The following TTC28 variants were observed in gnomAD, a reference collection of about 807,000 sequenced individuals.
The protein encoded by TTC28 is tetratricopeptide repeat domain 28.
A neutral mutation model predicts 198.0 loss-of-function variants in TTC28; 61 were observed. The observed-to-expected ratio is 0.31, with a 90% CI of 0.25 to 0.38. The LOEUF (loss-of-function observed/expected upper bound fraction) is 0.38. TTC28 is among the 10% of genes least tolerant of loss of function. The pLI is 1.00. For synonymous variants in TTC28, 1,171 were observed against 1,297.8 expected, an observed-to-expected ratio of 0.90 and a Z score of 2.10; for missense variants, 2,678 against 3,164.0, an observed-to-expected ratio of 0.85 and a Z score of 3.69.
intron 2 of TTC28, among the ~76,000 whole-genome samples, chr22:28,618,682 C>CA (rs397974118): frequency 0.046 from 2,443 of 53,526 alleles, 84 homozygotes; most frequent in African/African-American, 0.12. Flanking sequence ...ACTCTGTCTC[C>CA]AAAAAAAAAA....
At chr22:28,336,818 G>T (rs1203805408) in intron 2 of TTC28, among the ~76,000 whole-genome samples, 2 of 151,886 alleles carry the variant, frequency 1.3e-5, no homozygotes, top group African/African-American at 4.8e-5. Context: ...TTTTTGAGGG[G>T]CTTTTTGTGT....
chr22:28,267,623 A>G (rs1931771671), intron 5 of TTC28, among the ~76,000 whole-genome samples: 1 of 152,206 alleles, frequency 6.6e-6, no homozygotes, highest in Non-Finnish European at 1.5e-5. Context: ...GAATATGCTA[A>G]CATGTATAAA....
At chr22:28,128,146 C>T (rs1353822980) in intron 6 of TTC28, among the ~76,000 whole-genome samples, 3 of 152,118 alleles carry the variant, frequency 2.0e-5, no homozygotes, top group African/African-American at 4.8e-5. Flanking sequence ...GGGCTAGACC[C>T]TCTTTCCTGT....
intron 1 of TTC28, among the ~76,000 whole-genome samples, chr22:28,631,418 T>C (rs1042530669): frequency 2.6e-5 from 4 of 152,184 alleles, no homozygotes; most frequent in African/African-American, 9.7e-5. Flanking sequence ...AAATCTGTTT[T>C]TGATGTTGAT....
chr22:28,656,535 T>C (rs542205155), intron 1 of TTC28, among the ~76,000 whole-genome samples: 5 of 152,274 alleles, frequency 3.3e-5, no homozygotes, highest in South Asian at 2.1e-4. Context: ...AAGATATCTT[T>C]GCAGCTAAGA....
chr22:28,188,812 T>C (rs1438929010), intron 5 of TTC28, among the ~76,000 whole-genome samples: 1 of 152,062 alleles, frequency 6.6e-6, no homozygotes, highest in Non-Finnish European at 1.5e-5. Flanking sequence ...ATGAGGGGGA[T>C]TCCCCAAATA....
At chr22:28,436,696 CAG>C (rs1168655655) in intron 2 of TTC28, among the ~76,000 whole-genome samples, 1 of 152,198 alleles carries the variant, frequency 6.6e-6, no homozygotes, top group Non-Finnish European at 1.5e-5. Flanking sequence ...ATTATAACTA[CAG>C]AGTCACACTA....
chr22:28,405,966 AC>A (rs918671402), intron 2 of TTC28, among the ~76,000 whole-genome samples: 1 of 152,248 alleles, frequency 6.6e-6, no homozygotes, highest in African/African-American at 2.4e-5. Flanking sequence ...AAAGAACAGT[AC>A]CTCTGCTGCT....
intron 5 of TTC28, among the ~76,000 whole-genome samples, chr22:28,209,076 C>G (rs1385473718): frequency 6.6e-6 from 1 of 152,174 alleles, no homozygotes; most frequent in African/African-American, 2.4e-5. Context: ...CTCATACTTT[C>G]AAATTTTCAT....
chr22:27,982,589 G>A lies in TTC28; in HGVS notation c.7078C>T (p.Leu2360=), dbSNP rs1366072706. ...GGTGTGCTCTGCCAGAACATCTTCA[G>A]GTTATGGACAGCCTGCACCTTTTCA... ...IDEKVQAVHN[L]KMFWQSTPQH... Residue 2360 remains leucine (L), a synonymous_variant, in exon 23 of 23, where the codon CTG becomes TTG. Transcript: ENST00000397906. This position sits in a 1 kb window ranked among gnomAD's most constrained non-coding sequence, Gnocchi z 5.2. The A allele has an allele frequency of 6.4e-7, 1 of 1,551,812 alleles. No individual in the cohort carries two copies. The highest frequency in any genetic ancestry group is 1.2e-5 in the South Asian group (1 of 84,058).
chr22:27,982,869 G>A lies in TTC28; in HGVS notation c.6798C>T (p.His2266=), dbSNP rs1275935957. The change falls in exon 23 of 23, where the codon CAC becomes CAT. Residue 2266 remains histidine, a synonymous_variant. Transcript: ENST00000397906. This position sits in a 1 kb window ranked among gnomAD's most constrained non-coding sequence, Gnocchi z 5.2. ...EMSIKDSPSQ[H]SGRPSPGCDS... ...CGCAGCCGGGCGATGGCCGGCCACT[G>A]TGCTGGCTCGGGCTGTCTTTGATGG... The A allele has an allele frequency of 6.5e-7, 1 of 1,549,624 alleles. No homozygotes were observed. The highest frequency in any genetic ancestry group is 2.4e-5 in the East Asian group (1 of 40,866).
rs751847882 is a variant in TTC28, at chr22:28,304,284, C to CA, written c.529+2211dup. ...TGGGCGACAGAGCGAGACTCCATCT[C>CA]AAAAAAAAAAAAAAGTAGGCAGCAA... On this transcript the variant is annotated intron_variant, in intron 3 of 22. Coordinates refer to ENST00000397906, the MANE Select transcript of TTC28 (RefSeq NM_001145418.2). Among the ~76,000 whole-genome samples the CA allele has an allele frequency of 4.7e-3, 536 of 113,342 alleles. 4 individuals carry two copies. The highest frequency in any genetic ancestry group is 0.023 in the South Asian group (80 of 3,454). The allele number at this position is 113,342 out of a possible 152,430, so 74.4% of individuals were successfully genotyped here.
intron 2 of TTC28, among the ~76,000 whole-genome samples, chr22:28,526,747 G>T (rs2049011001): frequency 6.6e-6 from 1 of 151,870 alleles, no homozygotes; most frequent in South Asian, 2.1e-4. Context: ...TTTTTTGTTT[G>T]TTTGTTTTTT....
chr22:28,556,531 C>T (rs987076303), intron 2 of TTC28, among the ~76,000 whole-genome samples: 1 of 152,204 alleles, frequency 6.6e-6, no homozygotes, highest in Non-Finnish European at 1.5e-5. Context: ...AGTAATCCAT[C>T]TTTTCTTTCT....
intron 6 of TTC28, among the ~76,000 whole-genome samples, chr22:28,119,419 T>C (rs888172782): frequency 2.6e-5 from 4 of 152,198 alleles, no homozygotes; most frequent in African/African-American, 9.6e-5. Context: ...CCTAAGTAAG[T>C]ATCAAAGGGA....
chr22:28,116,837 T>C (rs1304916323), intron 6 of TTC28, among the ~76,000 whole-genome samples: 1 of 152,210 alleles, frequency 6.6e-6, no homozygotes, highest in African/African-American at 2.4e-5. Context: ...ATTTGTGCGC[T>C]TTCCTGATTC....
At chr22:28,432,588 G>C (rs1217581708) in intron 2 of TTC28, among the ~76,000 whole-genome samples, 1 of 152,080 alleles carries the variant, frequency 6.6e-6, no homozygotes. Flanking sequence ...CTATGAATAG[G>C]ACAGCATTTA....
chr22:28,184,405 G>T (rs1255066737), intron 5 of TTC28, among the ~76,000 whole-genome samples: 1 of 152,016 alleles, frequency 6.6e-6, no homozygotes, highest in Non-Finnish European at 1.5e-5. Flanking sequence ...TGTGGCATTT[G>T]TCAGTGTTCC....
intron 5 of TTC28, among the ~76,000 whole-genome samples, chr22:28,210,312 T>A (rs923706639): frequency 6.6e-6 from 1 of 152,106 alleles, no homozygotes; most frequent in African/African-American, 2.4e-5. Flanking sequence ...TAGACAGAAG[T>A]AGGCTTCAGA....
Sources: gnomAD v4.1 joint callset for allele counts (sites outside exome capture counted in the v4.1 genomes callset) on GRCh38, gnomAD v4.1.1 for gene constraint, Gnocchi (gnomAD v3.1) non-coding constraint, MANE v1.5 for transcripts, NCBI Gene and HGNC (gene_info 2026-07-23, HGNC 2026-07-21) for gene names.